The following RIT2 variants were observed in gnomAD, a reference collection of about 807,000 sequenced individuals.
RIT2 encodes GTP-binding protein Rit2.
In RIT2, 24 loss-of-function variants were observed where a neutral mutation model predicts 23.7. The ratio of observed to expected loss-of-function variants is 1.01; its 90% CI spans 0.73 to 1.43. RIT2 has a LOEUF of 1.43. RIT2 is among the 40% of genes most tolerant of loss of function. The pLI is 0.00. For synonymous variants in RIT2, 107 were observed against 91.1 expected (o/e 1.17, Z -0.99); for missense variants, 236 against 266.9 (o/e 0.88, Z 0.81).
chr18:43,078,569 G>A (rs779535731), intron 1 of RIT2, among the ~76,000 whole-genome samples: 4 of 152,034 alleles, frequency 2.6e-5, no homozygotes, highest in Admixed American at 1.3e-4. Context: ...CTTGCATCGC[G>A]CACATGCTAA....
intron 4 of RIT2, among the ~76,000 whole-genome samples, chr18:42,749,070 T>A (rs538193388): frequency 6.6e-6 from 1 of 151,948 alleles, no homozygotes; most frequent in East Asian, 1.9e-4. Context: ...CTTGGAACAT[T>A]TATAAAAATT....
At chr18:42,898,333 G>T (rs1235684225) in intron 4 of RIT2, among the ~76,000 whole-genome samples, 1 of 152,136 alleles carries the variant, frequency 6.6e-6, no homozygotes, top group African/African-American at 2.4e-5. Context: ...GGCAGAGGTT[G>T]CAGTGAGCTG....
At chr18:43,071,442 T>C (rs1254141463) in intron 1 of RIT2, among the ~76,000 whole-genome samples, 3 of 152,154 alleles carry the variant, frequency 2.0e-5, no homozygotes, top group Non-Finnish European at 2.9e-5. Flanking sequence ...TAGCTAACAA[T>C]TGGAGGATAC....
chr18:43,107,368 G>A (rs1012849031), intron 1 of RIT2, among the ~76,000 whole-genome samples: 6 of 152,124 alleles, frequency 3.9e-5, no homozygotes, highest in Non-Finnish European at 1.5e-5. Flanking sequence ...CAGGGCAGAG[G>A]CTGTGTCTAA....
intron 4 of RIT2, among the ~76,000 whole-genome samples, chr18:42,879,025 T>C (rs1261401093): frequency 6.6e-6 from 1 of 152,166 alleles, no homozygotes; most frequent in Non-Finnish European, 1.5e-5. Flanking sequence ...TAATTCAATA[T>C]CAAAATCTCC....
At chr18:43,084,324 T>C (rs778254032) in intron 1 of RIT2, among the ~76,000 whole-genome samples, 2 of 152,180 alleles carry the variant, frequency 1.3e-5, no homozygotes, top group Non-Finnish European at 2.9e-5. Flanking sequence ...GAAGGTAGTG[T>C]GGCGATTCCT....
chr18:42,814,697 T>C (rs2143982310), intron 4 of RIT2, among the ~76,000 whole-genome samples: 1 of 152,132 alleles, frequency 6.6e-6, no homozygotes, highest in South Asian at 2.1e-4. Flanking sequence ...CACCACCTGT[T>C]CCTCCCCATA....
chr18:42,884,481 C>T (rs1907971090), intron 4 of RIT2, among the ~76,000 whole-genome samples: 1 of 152,172 alleles, frequency 6.6e-6, no homozygotes, highest in African/African-American at 2.4e-5. Flanking sequence ...TTTTTCTCCT[C>T]ATCATGGCTG....
At chr18:42,849,058 G>C (rs569217198) in intron 4 of RIT2, among the ~76,000 whole-genome samples, 4 of 152,068 alleles carry the variant, frequency 2.6e-5, no homozygotes, top group African/African-American at 7.2e-5. Context: ...TGAGTTACCT[G>C]CTATTTTCAG....
chr18:42,825,340 G>A (rs561627941), intron 4 of RIT2, among the ~76,000 whole-genome samples: 13 of 151,746 alleles, frequency 8.6e-5, no homozygotes, highest in East Asian at 3.9e-4. Flanking sequence ...AGTGTTAACC[G>A]GGAGATAGGA....
intron 4 of RIT2, among the ~76,000 whole-genome samples, chr18:42,829,900 A>G (rs978672116): frequency 4.6e-5 from 7 of 152,216 alleles, no homozygotes; most frequent in African/African-American, 1.4e-4. Context: ...AGTTAAATGT[A>G]AAAATAAGTG....
At chr18:42,847,855 G>T (rs1906950941) in intron 4 of RIT2, among the ~76,000 whole-genome samples, 1 of 151,426 alleles carries the variant, frequency 6.6e-6, no homozygotes, top group African/African-American at 2.4e-5. Flanking sequence ...TTAACAAATT[G>T]CTGTATTTTT....
chr18:42,970,687 G>T (rs1449508535), intron 3 of RIT2, among the ~76,000 whole-genome samples: 2 of 151,870 alleles, frequency 1.3e-5, no homozygotes, highest in Non-Finnish European at 2.9e-5. Flanking sequence ...TAATGGTTTG[G>T]TTTATTACCA....
intron 4 of RIT2, among the ~76,000 whole-genome samples, chr18:42,809,851 A>G (rs1356486698): frequency 1.7e-5 from 2 of 116,534 alleles, no homozygotes; most frequent in Non-Finnish European, 3.5e-5. Flanking sequence ...TATATATGTT[A>G]TATATATTAT....
intron 4 of RIT2, among the ~76,000 whole-genome samples, chr18:42,886,123 T>C (rs1035343908): frequency 6.6e-6 from 1 of 152,238 alleles, no homozygotes; most frequent in African/African-American, 2.4e-5. Flanking sequence ...GATTTACTGC[T>C]GTCTATGATT....
At chr18:43,095,531 A>G (rs934548677) in intron 1 of RIT2, among the ~76,000 whole-genome samples, 7 of 152,032 alleles carry the variant, frequency 4.6e-5, no homozygotes, top group African/African-American at 1.4e-4. Flanking sequence ...AAAATAAAAC[A>G]TAGACAAGTA....
intron 2 of RIT2, among the ~76,000 whole-genome samples, chr18:43,009,229 C>T (rs1911295607): frequency 6.6e-6 from 1 of 151,652 alleles, no homozygotes; most frequent in Non-Finnish European, 1.5e-5. Flanking sequence ...ATATACACGT[C>T]AGTCACAAAC....
chr18:42,832,178 G>A (rs926796520), intron 4 of RIT2, among the ~76,000 whole-genome samples: 1 of 152,174 alleles, frequency 6.6e-6, no homozygotes, highest in South Asian at 2.1e-4. Flanking sequence ...TCGATAGAGA[G>A]GCAGCTTATG....
intron 4 of RIT2, among the ~76,000 whole-genome samples, chr18:42,747,241 A>G (rs552233466): frequency 5.9e-5 from 9 of 152,192 alleles, no homozygotes; most frequent in African/African-American, 2.2e-4. Context: ...TAGCTCTGCT[A>G]TATACCAACA....
Sources: gnomAD v4.1 joint callset for allele counts (sites outside exome capture counted in the v4.1 genomes callset) on GRCh38, gnomAD v4.1.1 for gene constraint, MANE v1.5 for transcripts, NCBI Gene and HGNC (gene_info 2026-07-23, HGNC 2026-07-21) for gene names.